ZEB1: variants seen among roughly 807,000 people sequenced by gnomAD.
The protein encoded by ZEB1 is zinc finger E-box-binding homeobox 1.
ZEB1 carries 21 observed loss-of-function variants against 84.9 expected under a neutral mutation model. The ratio of observed to expected loss-of-function variants is 0.25; its 90% confidence interval spans 0.18 to 0.36. ZEB1 has a LOEUF of 0.36. ZEB1 is among the 10% of genes least tolerant of loss of function. ZEB1 has a pLI of 1.00. For missense variants in ZEB1, 1,104 were observed against 1,330.2 expected (o/e 0.83, Z 2.65); for synonymous variants, 420 against 471.1 (o/e 0.89, Z 1.41).
At position 31,527,392 on chromosome 10, in the gene ZEB1, TA is replaced by T; in HGVS notation, c.*135del. On this transcript the variant is annotated 3_prime_UTR_variant, in exon 9 of 9. Coordinates refer to ENST00000424869, the MANE Select transcript of ZEB1 (RefSeq NM_001174096.2). The stretch of plus-strand genomic sequence containing the variant: ...GTTCACTACTGTGTAAAGTAAAAAC[TA>T]AAAAAATACAAAATACAAAACACAC... The T allele has an allele frequency of 2.7e-6, 3 of 1,111,346 alleles. No homozygotes were observed. The highest frequency in any genetic ancestry group is 2.8e-4 in the Middle Eastern group (1 of 3,574). 68.8% of individuals were successfully genotyped at this position (1,111,346 alleles called of 1,614,324 possible). A position where few individuals can be genotyped will look rare whatever the true frequency, so the allele number is the denominator to read the frequency against.
chr10:31,394,988 G>A (rs2050432192), intron 1 of ZEB1, among the ~76,000 whole-genome samples: 1 of 152,128 alleles, frequency 6.6e-6, no homozygotes, highest in Non-Finnish European at 1.5e-5. Flanking sequence ...CTTGGGCAGG[G>A]GTTAATGGCA....
At chr10:31,441,804 A>G (rs531346251) in intron 1 of ZEB1, among the ~76,000 whole-genome samples, 36 of 152,380 alleles carry the variant, frequency 2.4e-4, no homozygotes, top group African/African-American at 8.4e-4. Flanking sequence ...GACACATGAA[A>G]AAATGCTCAT....
At chr10:31,510,630 T>C in intron 4 of ZEB1, 43 bp from the exon 5 acceptor site, 3 of 1,546,292 alleles carry the variant, frequency 1.9e-6, no homozygotes, top group Middle Eastern at 4.5e-4. Flanking sequence ...GGTAATATTT[T>C]CTGAATGTTT....
chr10:31,354,841 A>G (rs1032870584), intron 1 of ZEB1, among the ~76,000 whole-genome samples: 1 of 152,190 alleles, frequency 6.6e-6, no homozygotes, highest in Admixed American at 6.5e-5. Flanking sequence ...AGTGATCTTT[A>G]AAAGACATTT....
intron 1 of ZEB1, among the ~76,000 whole-genome samples, chr10:31,407,911 A>G (rs1397033005): frequency 6.7e-6 from 1 of 149,246 alleles, no homozygotes; most frequent in African/African-American, 2.5e-5. Context: ...AGGCAGGAGA[A>G]GGAAATAAAG....
At chr10:31,385,246 A>T (rs1031966680) in intron 1 of ZEB1, among the ~76,000 whole-genome samples, 1 of 152,168 alleles carries the variant, frequency 6.6e-6, no homozygotes, top group Admixed American at 6.5e-5. Context: ...CTGTTTTCTT[A>T]CTGTGGTTTT....
chr10:31,528,210 A>G lies in ZEB1; in HGVS notation c.*946A>G, dbSNP rs2140000181. 6.6e-6 allele frequency: 1 copy of G among 152,310 alleles called. No individual in the cohort carries two copies. The highest frequency in any genetic ancestry group is 1.5e-5 in the Non-Finnish European group (1 of 68,016). The allele number at this position is 152,310 out of a possible 1,614,324, so 9.4% of individuals were successfully genotyped here. On this transcript the variant is annotated 3_prime_UTR_variant, in exon 9 of 9. Coordinates refer to ENST00000424869, the MANE Select transcript of ZEB1 (RefSeq NM_001174096.2). The stretch of plus-strand genomic sequence containing the variant: ...ATCCAATGTGTGGCCTACAATAACT[A>G]GCATTTGTTGATTTGTCTCTTGTAT...
chr10:31,448,679 G>C (rs934770717), intron 1 of ZEB1, among the ~76,000 whole-genome samples: 1 of 152,114 alleles, frequency 6.6e-6, no homozygotes, highest in African/African-American at 2.4e-5. Flanking sequence ...GCCGTGTGAG[G>C]TGTCAGTGTG....
chr10:31,390,966 T>A (rs1471639321), intron 1 of ZEB1, among the ~76,000 whole-genome samples: 1 of 152,130 alleles, frequency 6.6e-6, no homozygotes, highest in African/African-American at 2.4e-5. Context: ...AAGAGACTGT[T>A]TGTCTCGAAA....
chr10:31,464,720 A>T (rs540514593), intron 2 of ZEB1, among the ~76,000 whole-genome samples: 1 of 152,324 alleles, frequency 6.6e-6, no homozygotes, highest in South Asian at 2.1e-4. Context: ...AGAAAGTGGG[A>T]TGATATATTC....
At chr10:31,398,909 C>T (rs1564718594) in intron 1 of ZEB1, among the ~76,000 whole-genome samples, 1 of 151,948 alleles carries the variant, frequency 6.6e-6, no homozygotes, top group Non-Finnish European at 1.5e-5. Flanking sequence ...TTTAAAACTG[C>T]ATGTTCACTC....
Position 31,527,101 on chromosome 10 carries a change from A to T in ZEB1, c.3215A>T (p.Glu1072Val), listed in dbSNP as rs1286252350. Residue 1072 changes from glutamate (E) to valine (V), a missense_variant, in exon 9 of 9, where the codon GAA (glutamate) becomes GTA (valine). Glu to Val is a moderately radical substitution (Grantham distance 121). Around this residue, in one of 7 missense-constraint regions of ZEB1, gnomAD observed 173 missense variants for 167.0 expected, o/e 1.04. Coordinates refer to ENST00000424869, the MANE Select transcript of ZEB1 (RefSeq NM_001174096.2). ...GDEEEEEEEE[E>V]VEEEEVEEAE... ...GAGGAAGAGGAGGAGGAGGAGGAAG[A>T]AGTGGAAGAAGAAGAGGTAGAAGAG... The T allele has an allele frequency of 1.3e-6, 2 of 1,599,214 alleles. No homozygotes were observed. The highest frequency in any genetic ancestry group is 1.7e-6 in the Non-Finnish European group (2 of 1,171,724).
rs1589874818 is a variant in ZEB1, at chr10:31,319,294, T to G, written c.58+2T>G. 6.3e-7 allele frequency: 1 copy of G among 1,589,348 alleles called. No homozygotes were observed. The highest frequency in any genetic ancestry group is 8.5e-7 in the Non-Finnish European group (1 of 1,170,262). ...AGGCGAACCCGCGGCGCAATAACGG[T>G]GAGTGGCGGAGGGGACCGGGGAGCG... is the stretch of plus-strand genomic sequence containing the variant. On this transcript the variant is annotated splice_donor_variant, in intron 1 of 8. Coordinates refer to ENST00000424869, the MANE Select transcript of ZEB1 (RefSeq NM_001174096.2). LOFTEE classifies it high-confidence loss of function.
intron 4 of ZEB1, among the ~76,000 whole-genome samples, chr10:31,506,912 T>C (rs912509920): frequency 1.3e-5 from 2 of 152,164 alleles, no homozygotes; most frequent in African/African-American, 4.8e-5. Context: ...TATTTGTACT[T>C]GTTCTACCAG....
In ZEB1 at chr10:31,363,009, G is replaced by A. The variant is rs184540235; in HGVS notation, c.58+43717G>A. ...GAAGCTTTGCCGGTGGGGGCCGCTC[G>A]TCTCTATCACACCTCAGTTGCAGGG... On this transcript the variant is annotated intron_variant, in intron 1 of 8. Coordinates refer to ENST00000424869, the MANE Select transcript of ZEB1 (RefSeq NM_001174096.2). The A allele has an allele frequency of 3.3e-4, 499 of 1,533,848 alleles. 1 individual carries two copies. The African/African-American group carries it at 5.0e-3, about 15-fold the overall frequency.
At chr10:31,408,836 C>G (rs955107043) in intron 1 of ZEB1, among the ~76,000 whole-genome samples, 1 of 150,528 alleles carries the variant, frequency 6.6e-6, no homozygotes, top group Non-Finnish European at 1.5e-5. Context: ...TAGGCATGGG[C>G]AAGGACTTCA....
At chr10:31,510,574 G>A (rs939639251) in intron 4 of ZEB1, 99 bp from the exon 5 acceptor site, 4 of 915,780 alleles carry the variant, frequency 4.4e-6, no homozygotes, top group Admixed American at 2.0e-5. Context: ...TATAAAGTGG[G>A]TAGCACAATA....
chr10:31,335,191 A>G lies in ZEB1; in HGVS notation c.58+15899A>G, dbSNP rs375779758. 5.3e-5 allele frequency among the ~76,000 whole-genome samples: 8 copies of G among 152,134 alleles called. No individual in the cohort carries two copies. The South Asian group carries it at 1.4e-3, about 28-fold the overall frequency. ...TGGAAAATTCAAGAAATAAAAATTC[A>G]TATGTTTTAAATTGTACGCCCAGGA... On this transcript the variant is annotated intron_variant, in intron 1 of 8. Coordinates refer to ENST00000424869, the MANE Select transcript of ZEB1 (RefSeq NM_001174096.2).
intron 1 of ZEB1, among the ~76,000 whole-genome samples, chr10:31,428,058 C>CT (rs1413121993): frequency 2.6e-5 from 4 of 151,922 alleles, no homozygotes; most frequent in African/African-American, 9.7e-5. Context: ...TTTCTTGTCT[C>CT]TGTCTCCTTC....
Sources: gnomAD v4.1 joint callset for allele counts (sites outside exome capture counted in the v4.1 genomes callset) on GRCh38, gnomAD v4.1.1 for gene constraint, gnomAD v4.1.1 regional missense constraint, MANE v1.5 for transcripts, NCBI Gene and HGNC (gene_info 2026-07-23, HGNC 2026-07-21) for gene names.